The following SNRPA variants were observed in gnomAD, a reference collection of about 807,000 sequenced individuals.
The protein encoded by SNRPA is U1 small nuclear ribonucleoprotein A.
Under a neutral mutation model 24.5 loss-of-function variants are expected in SNRPA, and 10 were observed. The ratio of observed to expected loss-of-function variants is 0.41; its 90% CI spans 0.25 to 0.69. The LOEUF is 0.69. SNRPA is among the 30% of genes least tolerant of loss of function. SNRPA has a pLI of 0.33. For synonymous variants in SNRPA, 165 were observed against 148.4 expected, an observed-to-expected ratio of 1.11 and a Z score of -0.81; for missense variants, 283 against 394.7, an observed-to-expected ratio of 0.72 and a Z score of 2.40.
chr19:40,761,458 C>CTTTTTTTTTTTTTTTTTT lies in SNRPA; in HGVS notation c.427-1434_427-1417dup, dbSNP rs200242370. 3.2e-3 allele frequency among the ~76,000 whole-genome samples: 272 copies of CTTTTTTTTTTTTTTTTTT among 85,868 alleles called. 9 individuals are homozygous for CTTTTTTTTTTTTTTTTTT. Among genetic ancestry groups the CTTTTTTTTTTTTTTTTTT allele is most frequent in the Non-Finnish European group, 4.6e-3 (212 of 46,040 alleles). 56.3% of individuals were successfully genotyped at this position (85,868 alleles called of 152,430 possible). ...TCTCTTTTCTTTTCTTTTTCTTTTT[C>CTTTTTTTTTTTTTTTTTT]TTTTTTTTTTTTTTTTTTTTTTTTT... is the stretch of plus-strand genomic sequence containing the variant. On this transcript the variant is annotated intron_variant, in intron 3 of 5. Transcript: ENST00000243563.
Position 40,759,520 on chromosome 19 carries a change from G to C in SNRPA, c.336G>C (p.Lys112Asn). Residue 112 changes from lysine to asparagine, a missense_variant, in exon 3 of 6, where the codon AAG (lysine) becomes AAC (asparagine). Physicochemically the swap from Lys to Asn is moderately conservative, Grantham distance 94 (BLOSUM62 0). Transcript: ENST00000243563. ...VERDRKREKR[K>N]PKSQETPATK... Reference sequence around the variant, plus strand: ...GGGACCGCAAGCGGGAGAAGAGGAAGCCCAAGAGCCAGGAGACCCCGGCCA... The same window carrying C: ...GGGACCGCAAGCGGGAGAAGAGGAACCCCAAGAGCCAGGAGACCCCGGCCA... 2 of 1,614,042 alleles carry C rather than the reference G, an allele frequency of 1.2e-6. No homozygotes were observed. Among genetic ancestry groups the C allele is most frequent in the Non-Finnish European group, 1.7e-6 (2 of 1,179,996 alleles).
intron 1 of SNRPA, among the ~76,000 whole-genome samples, chr19:40,754,271 T>C (rs1439033255): frequency 6.6e-6 from 1 of 151,978 alleles, no homozygotes; most frequent in Non-Finnish European, 1.5e-5. Flanking sequence ...CTTGGCTAAT[T>C]TTTGTATTTT....
At chr19:40,764,578 G>C (rs948924518) in intron 5 of SNRPA, among the ~76,000 whole-genome samples, 6 of 152,172 alleles carry the variant, frequency 3.9e-5, no homozygotes, top group African/African-American at 1.2e-4. Flanking sequence ...TAAAATCCCA[G>C]TATGTTGGGA....
intron 1 of SNRPA, among the ~76,000 whole-genome samples, chr19:40,753,386 T>TTTTTTTTTCG (rs1568483754): frequency 3.1e-3 from 33 of 10,552 alleles, no homozygotes; most frequent in South Asian, 4.4e-3. Flanking sequence ...TTGCATATGT[T>TTTTTTTTTCG]TTTTTTTTTT....
intron 1 of SNRPA, among the ~76,000 whole-genome samples, chr19:40,756,412 A>G (rs139285794): frequency 9.4e-4 from 143 of 152,194 alleles, no homozygotes; most frequent in African/African-American, 3.3e-3. Context: ...CCTGGGCAAC[A>G]TAGCAAGACC....
chr19:40,758,289 C>G (rs561450488), intron 2 of SNRPA, among the ~76,000 whole-genome samples: 2 of 152,118 alleles, frequency 1.3e-5, no homozygotes, highest in East Asian at 3.9e-4. Context: ...CATACCTTCC[C>G]CTACTGAATA....
At chr19:40,760,280 C>T (rs936557605) in intron 3 of SNRPA, among the ~76,000 whole-genome samples, 2 of 152,182 alleles carry the variant, frequency 1.3e-5, no homozygotes, top group African/African-American at 2.4e-5. Context: ...GCTAGGATTA[C>T]ATGCATGAGC....
intron 1 of SNRPA, 153 bp downstream of exon 1, chr19:40,751,634 C>T (rs960734100): frequency 4.4e-5 from 29 of 665,900 alleles, no homozygotes; most frequent in Non-Finnish European, 7.4e-5. Context: ...GTCTTCAACA[C>T]TCCATTAGTT....
chr19:40,752,459 T>G (rs2082883834), intron 1 of SNRPA, among the ~76,000 whole-genome samples: 1 of 147,462 alleles, frequency 6.8e-6, no homozygotes, highest in South Asian at 2.2e-4. Context: ...AACCCAATTT[T>G]TGGCCGGGCG....
Position 40,765,170 on chromosome 19 carries a change from C to G in SNRPA, c.*3C>G, listed in dbSNP as rs562449525. Reference sequence around the variant, plus strand: ...AGATCTCCTTTGCCAAGAAGTAGCACCTTTTCCCCCCATGCCTGCCCCTTC... The same window carrying G: ...AGATCTCCTTTGCCAAGAAGTAGCAGCTTTTCCCCCCATGCCTGCCCCTTC... On this transcript the variant is annotated 3_prime_UTR_variant, in exon 6 of 6. Transcript: ENST00000243563. 6.6e-7 allele frequency: 1 copy of G among 1,523,038 alleles called. No homozygotes were observed. The highest frequency in any genetic ancestry group is 1.4e-5 in the African/African-American group (1 of 71,196). The allele number at this position is 1,523,038 out of a possible 1,614,324, so 94.3% of individuals were successfully genotyped here. A position where few individuals can be genotyped will look rare whatever the true frequency, so the allele number is the denominator to read the frequency against.
At chr19:40,752,496 A>T (rs1466907542) in intron 1 of SNRPA, among the ~76,000 whole-genome samples, 1 of 147,332 alleles carries the variant, frequency 6.8e-6, no homozygotes, top group Non-Finnish European at 1.5e-5. Flanking sequence ...TAAGCCCAAC[A>T]CTTTGGGAGG....
intron 3 of SNRPA, among the ~76,000 whole-genome samples, chr19:40,760,133 AC>A (rs1370253660): frequency 1.3e-5 from 2 of 152,072 alleles, no homozygotes; most frequent in Non-Finnish European, 2.9e-5. Flanking sequence ...CTCAAGTGAT[AC>A]GCCTCAGCCT....
At chr19:40,763,327 C>T (rs1470432767) in intron 4 of SNRPA, 4 of 594,662 alleles carry the variant, frequency 6.7e-6, no homozygotes, top group South Asian at 4.1e-5. Context: ...TATTGAGCGC[C>T]TCCTTACGTG....
At chr19:40,764,337 A>G (rs546674109) in intron 5 of SNRPA, among the ~76,000 whole-genome samples, 2 of 152,202 alleles carry the variant, frequency 1.3e-5, no homozygotes, top group Non-Finnish European at 1.5e-5. Context: ...CAACTTTATA[A>G]TAGTGCCGAG....
intron 1 of SNRPA, among the ~76,000 whole-genome samples, chr19:40,753,946 C>T (rs150355021): frequency 0.022 from 3,385 of 151,792 alleles, 105 homozygotes; most frequent in African/African-American, 0.076. Flanking sequence ...GGACTACAGG[C>T]GCCCACCAGC....
intron 2 of SNRPA, among the ~76,000 whole-genome samples, chr19:40,758,288 C>T (rs1336145061): frequency 6.6e-6 from 1 of 152,094 alleles, no homozygotes; most frequent in Non-Finnish European, 1.5e-5. Flanking sequence ...ACATACCTTC[C>T]CCTACTGAAT....
intron 1 of SNRPA, among the ~76,000 whole-genome samples, chr19:40,753,275 A>G (rs1430216698): frequency 1.4e-5 from 2 of 148,010 alleles, no homozygotes; most frequent in African/African-American, 2.5e-5. Context: ...AATCACTTGA[A>G]CCCTGGGAAG....
In SNRPA at chr19:40,763,590, T is replaced by G. The variant is rs764013546; in HGVS notation, c.604T>G (p.Ser202Ala). 5.6e-6 allele frequency: 9 copies of G among 1,613,950 alleles called. No homozygotes were observed. The East Asian group carries it at 1.8e-4, about 32-fold the overall frequency. Residue 202 changes from serine (S) to alanine (A), a missense_variant, in exon 5 of 6, where the codon TCT becomes GCT. By Grantham distance (99) the Ser-to-Ala change is moderately conservative (BLOSUM62 1). Coordinates refer to ENST00000243563, the MANE Select transcript of SNRPA (RefSeq NM_004596.5). ...CGACTCCCCTATACCCCCGCAGCTT[T>G]CTGAGAATCCACCGAATCACATCTT... is the stretch of plus-strand genomic sequence containing the variant. ...PGQMPPAQPL[S>A]ENPPNHILFL...
chr19:40,755,763 T>C (rs2082906105), intron 1 of SNRPA, among the ~76,000 whole-genome samples: 1 of 152,220 alleles, frequency 6.6e-6, no homozygotes, highest in African/African-American at 2.4e-5. Flanking sequence ...AGCTTGAATC[T>C]CACTTGCTGT....
Sources: allele counts gnomAD v4.1 joint callset (sites outside exome capture counted in the v4.1 genomes callset), GRCh38; gene constraint gnomAD v4.1.1; transcripts MANE v1.5; gene names NCBI Gene and HGNC (gene_info 2026-07-23, HGNC 2026-07-21).